SDCCAG8: variants seen among roughly 807,000 people sequenced by gnomAD.
SDCCAG8 encodes the protein SHH signaling and ciliogenesis regulator SDCCAG8.
A neutral mutation model predicts 101.8 loss-of-function variants in SDCCAG8; 74 were observed. The ratio of observed to expected loss-of-function variants is 0.73; its 90% CI spans 0.60 to 0.88. The LOEUF is 0.88. SDCCAG8 is among the 40% of genes least tolerant of loss of function. The pLI, the probability that SDCCAG8 is intolerant of heterozygous loss-of-function variation, is 0.00. For synonymous variants in SDCCAG8, 281 were observed against 292.9 expected (o/e 0.96, Z 0.41); for missense variants, 787 against 822.6 (o/e 0.96, Z 0.53).
At chr1:243,261,128 T>C (rs892078900) in intron 1 of SDCCAG8, among the ~76,000 whole-genome samples, 10 of 152,210 alleles carry the variant, frequency 6.6e-5, no homozygotes, top group African/African-American at 2.4e-4. Flanking sequence ...TTTCTGCTTT[T>C]TCTAAAAACA....
chr1:243,349,685 T>C (rs1039972484), intron 12 of SDCCAG8, among the ~76,000 whole-genome samples: 2 of 152,216 alleles, frequency 1.3e-5, no homozygotes, highest in Non-Finnish European at 1.5e-5. Context: ...CTGATAATCA[T>C]GGCATTTTCT....
chr1:243,302,237 G>C (rs942821054), intron 6 of SDCCAG8, among the ~76,000 whole-genome samples: 1 of 152,116 alleles, frequency 6.6e-6, no homozygotes, highest in Non-Finnish European at 1.5e-5. Flanking sequence ...GACAGAGTGA[G>C]AATCTGTCTC....
At chr1:243,491,873 C>T (rs189100506) in intron 17 of SDCCAG8, among the ~76,000 whole-genome samples, 2 of 152,254 alleles carry the variant, frequency 1.3e-5, no homozygotes, top group African/African-American at 2.4e-5. Context: ...TAAAGGCTTC[C>T]GTTTTCTCAG....
intron 16 of SDCCAG8, among the ~76,000 whole-genome samples, chr1:243,429,918 G>C (rs2081604976): frequency 6.6e-6 from 1 of 151,974 alleles, no homozygotes; most frequent in African/African-American, 2.4e-5. Flanking sequence ...GGCCAGGCTG[G>C]TCTCAAACTC....
chr1:243,299,104 T>C (rs186802876), intron 6 of SDCCAG8, among the ~76,000 whole-genome samples: 124 of 152,348 alleles, frequency 8.1e-4, no homozygotes, highest in African/African-American at 2.7e-3. Flanking sequence ...TTCATAGTCT[T>C]CTGAGTGAAG....
In SDCCAG8 at chr1:243,489,040, A is replaced by C; in HGVS notation, c.2012A>C (p.Gln671Pro). Residue 671 changes from glutamine to proline, a missense_variant, in exon 17 of 18, where the codon CAG becomes CCG. Physicochemically the swap from Gln to Pro is moderately conservative, Grantham distance 76. Coordinates refer to ENST00000366541, the MANE Select transcript of SDCCAG8 (RefSeq NM_006642.5). The part of the protein sequence containing the change: ...QRLRQLDKHS[Q>P]ATAQQLVQLL... ...CTAAGGCAGCTGGATAAGCACAGCC[A>C]GGCCACAGCCCAGCAGCTGGTGCAG... 1.2e-6 allele frequency: 2 copies of C among 1,613,446 alleles called. No homozygotes were observed. The highest frequency in any genetic ancestry group is 2.2e-5 in the South Asian group (2 of 91,076).
intron 13 of SDCCAG8, among the ~76,000 whole-genome samples, chr1:243,402,983 C>CT (rs2079508931): frequency 6.6e-6 from 1 of 152,138 alleles, no homozygotes; most frequent in Non-Finnish European, 1.5e-5. Context: ...TCTTCTATAT[C>CT]TTACTCTCCC....
chr1:243,268,431 A>C (rs1430811218), intron 1 of SDCCAG8, among the ~76,000 whole-genome samples: 1 of 152,200 alleles, frequency 6.6e-6, no homozygotes, highest in African/African-American at 2.4e-5. Context: ...GAACTTCCTT[A>C]AACTCATGAT....
intron 6 of SDCCAG8, among the ~76,000 whole-genome samples, chr1:243,294,989 T>G (rs186756877): frequency 6.6e-6 from 1 of 152,276 alleles, no homozygotes; most frequent in Non-Finnish European, 1.5e-5. Flanking sequence ...CTAAAGATTC[T>G]TTCTGCCCAG....
At chr1:243,378,629 T>A in intron 12 of SDCCAG8, 92 bp from the exon 13 acceptor site, 1 of 1,393,556 alleles carries the variant, frequency 7.2e-7, no homozygotes, top group East Asian at 2.4e-5. Context: ...TTTATCAAAT[T>A]GAAATTCATG....
At chr1:243,429,550 G>C (rs964720321) in intron 16 of SDCCAG8, among the ~76,000 whole-genome samples, 1 of 151,970 alleles carries the variant, frequency 6.6e-6, no homozygotes, top group Admixed American at 6.6e-5. Context: ...AAGGGAACTT[G>C]TTTTTTAAAA....
At chr1:243,440,095 C>A (rs1414403700) in intron 16 of SDCCAG8, among the ~76,000 whole-genome samples, 1 of 152,120 alleles carries the variant, frequency 6.6e-6, no homozygotes. Context: ...CACCACTGAA[C>A]CTGCTGTTGA....
In SDCCAG8 at chr1:243,328,264, T is replaced by TTTTG. The variant is rs563484022; in HGVS notation, c.1069-2260_1069-2257dup. The stretch of plus-strand genomic sequence containing the variant: ...CGCTAAGAGACATCAGTAACCAGTT[T>TTTTG]TTTGTTTGTTTGTTTGTTTTGTGTG... On this transcript the variant is annotated intron_variant, in intron 9 of 17. Transcript: ENST00000366541. Among the ~76,000 whole-genome samples the TTTTG allele has an allele frequency of 5.9e-4, 90 of 151,686 alleles. 1 individual carries two copies. The highest frequency in any genetic ancestry group is 2.0e-3 in the African/African-American group (83 of 41,310).
At chr1:243,329,233 A>G (rs990242246) in intron 9 of SDCCAG8, among the ~76,000 whole-genome samples, 4 of 152,138 alleles carry the variant, frequency 2.6e-5, no homozygotes, top group African/African-American at 9.7e-5. Flanking sequence ...TAGAAGAATC[A>G]CTTTTTACTC....
chr1:243,440,118 T>A (rs2082430638), intron 16 of SDCCAG8, among the ~76,000 whole-genome samples: 1 of 152,162 alleles, frequency 6.6e-6, no homozygotes, highest in South Asian at 2.1e-4. Flanking sequence ...TTGTGCAAGT[T>A]ACTTCACCCC....
At chr1:243,300,604 C>G (rs955918623) in intron 6 of SDCCAG8, among the ~76,000 whole-genome samples, 65 of 152,178 alleles carry the variant, frequency 4.3e-4, no homozygotes, top group South Asian at 4.1e-4. Flanking sequence ...CTCCAATCAC[C>G]TCTCCACCTC....
At chr1:243,306,538 G>A (rs2072150338) in intron 7 of SDCCAG8, 1 of 152,034 alleles carries the variant, frequency 6.6e-6, no homozygotes. Flanking sequence ...AATAAAATCA[G>A]TCTTCTTTTC....
rs759125934 is a variant in SDCCAG8 at position 243,344,262 on chromosome 1, G to A, written c.1404G>A (p.Lys468=). 3 of 1,613,888 alleles carry A rather than the reference G, an allele frequency of 1.9e-6. No individual in the cohort carries two copies. Among genetic ancestry groups the A allele is most frequent in the Non-Finnish European group, 1.7e-6 (2 of 1,179,960 alleles). ...RYQLNKTNME[K]DEAEKEHREF... ...AGCTGAATAAAACCAACATGGAGAA[G>A]GATGAGGCAGAAAAGGAGCACAGAG... The change falls in exon 12 of 18, where the codon AAG becomes AAA. Residue 468 remains lysine (K), a synonymous_variant. Coordinates refer to ENST00000366541, the MANE Select transcript of SDCCAG8 (RefSeq NM_006642.5).
intron 1 of SDCCAG8, among the ~76,000 whole-genome samples, chr1:243,257,556 T>A (rs1412989868): frequency 6.6e-6 from 1 of 152,232 alleles, no homozygotes; most frequent in African/African-American, 2.4e-5. Flanking sequence ...CATTAAATGT[T>A]AATTGTTATT....
Sources: gnomAD v4.1 joint callset for allele counts (sites outside exome capture counted in the v4.1 genomes callset) on GRCh38, gnomAD v4.1.1 for gene constraint, MANE v1.5 for transcripts, NCBI Gene and HGNC (gene_info 2026-07-23, HGNC 2026-07-21) for gene names.